The following WDR19 variants were observed in gnomAD, a reference collection of about 807,000 sequenced individuals.
WDR19 encodes WD repeat-containing protein 19.
Under a neutral mutation model 180.0 loss-of-function variants are expected in WDR19, and 121 were observed. The observed-to-expected ratio is 0.67, with a 90% CI of 0.58 to 0.78. The LOEUF is 0.78. WDR19 is among the 30% of genes least tolerant of loss of function. WDR19 has a pLI of 0.00. For missense variants in WDR19, 1,450 were observed against 1,640.7 expected, an observed-to-expected ratio of 0.88 and a Z score of 2.01; for synonymous variants, 497 against 540.7, an observed-to-expected ratio of 0.92 and a Z score of 1.12.
At chr4:39,267,755 T>C (rs1299240459) in intron 29 of WDR19, among the ~76,000 whole-genome samples, 4 of 152,190 alleles carry the variant, frequency 2.6e-5, no homozygotes, top group Admixed American at 1.3e-4. Context: ...GCCTTCTTCC[T>C]AGGGTGGGTA....
At chr4:39,241,210 C>T (rs1731905489) in intron 21 of WDR19, among the ~76,000 whole-genome samples, 1 of 152,080 alleles carries the variant, frequency 6.6e-6, no homozygotes, top group Non-Finnish European at 1.5e-5. Context: ...TTATATATAG[C>T]ATTTTTATTA....
intron 28 of WDR19, 134 bp from the exon 29 acceptor site, chr4:39,265,929 A>AT: frequency 1.5e-6 from 1 of 678,528 alleles, no homozygotes; most frequent in South Asian, 2.1e-5. Context: ...ATCCTATGTC[A>AT]TATTTCAGGC....
intron 28 of WDR19, among the ~76,000 whole-genome samples, chr4:39,262,594 C>T (rs1321990050): frequency 2.0e-5 from 3 of 152,088 alleles, no homozygotes; most frequent in African/African-American, 7.2e-5. Context: ...TTCGTTCCTT[C>T]ACTCTTGCTC....
At chr4:39,218,147 A>T (rs1729274837) in intron 14 of WDR19, 42 bp downstream of exon 14, 1 of 1,569,090 alleles carries the variant, frequency 6.4e-7, no homozygotes, top group African/African-American at 1.4e-5. Flanking sequence ...GGGAATTTTT[A>T]ATTTTTATTT....
intron 9 of WDR19, among the ~76,000 whole-genome samples, chr4:39,208,623 C>T (rs1001386345): frequency 6.6e-5 from 10 of 151,816 alleles, no homozygotes; most frequent in Non-Finnish European, 1.3e-4. Context: ...TTTTAATGAC[C>T]CTATTAAAAG....
intron 30 of WDR19, 26 bp from the exon 31 acceptor site, chr4:39,269,950 A>G (rs770469862): frequency 6.2e-7 from 1 of 1,612,382 alleles, no homozygotes; most frequent in Admixed American, 1.7e-5. Context: ...CTTTGCAGTA[A>G]TGTCGTTTTA....
At chr4:39,278,246 C>T (rs748086242) in intron 35 of WDR19, 39 bp downstream of exon 35, 2 of 1,522,224 alleles carry the variant, frequency 1.3e-6, no homozygotes, top group East Asian at 2.3e-5. Context: ...ACTGATTTCT[C>T]CCGACACAGG....
intron 30 of WDR19, among the ~76,000 whole-genome samples, chr4:39,268,913 A>G (rs983510095): frequency 1.3e-5 from 2 of 152,200 alleles, no homozygotes; most frequent in African/African-American, 2.4e-5. Flanking sequence ...GGTTACCCAC[A>G]GCATCCTGAA....
At chr4:39,279,448 TG>T (rs556526343) in intron 36 of WDR19, among the ~76,000 whole-genome samples, 38 of 152,340 alleles carry the variant, frequency 2.5e-4, no homozygotes, top group South Asian at 1.2e-3. Context: ...ATCTGGTTCG[TG>T]GTTCTCTTGG....
intron 10 of WDR19, 140 bp from the exon 11 acceptor site, chr4:39,215,701 C>CT (rs1728997121): frequency 2.4e-6 from 2 of 830,648 alleles, no homozygotes; most frequent in Admixed American, 6.7e-5. Flanking sequence ...ATTTCCTAGT[C>CT]TAAAAAAAAA....
At chr4:39,184,962 TTA>T (rs1725356444) in intron 1 of WDR19, among the ~76,000 whole-genome samples, 1 of 152,182 alleles carries the variant, frequency 6.6e-6, no homozygotes, top group South Asian at 2.1e-4. Context: ...ATAATATATT[TTA>T]TCTTACCCAG....
At chr4:39,232,023 A>G (rs1192721521) in intron 18 of WDR19, 67 bp downstream of exon 18, 22 of 1,577,524 alleles carry the variant, frequency 1.4e-5, no homozygotes, top group Non-Finnish European at 1.8e-5. Context: ...ATGCAGTCTA[A>G]ATTTTTTGCA....
At chr4:39,214,205 C>A (rs1054519277) in intron 9 of WDR19, among the ~76,000 whole-genome samples, 1 of 152,046 alleles carries the variant, frequency 6.6e-6, no homozygotes. Flanking sequence ...GAACTCTGGG[C>A]AGGGGAGAAA....
Position 39,270,048 on chromosome 4 carries a change from C to T in WDR19, c.3431C>T (p.Pro1144Leu), listed in dbSNP as rs1336097510. The T allele has an allele frequency of 2.5e-6, 4 of 1,613,660 alleles. No individual in the cohort carries two copies. The highest frequency in any genetic ancestry group is 4.5e-5 in the East Asian group (2 of 44,892). ...AELKSQKIKI[P>L]SEMATNLMIL... ...CTGAAATCCCAGAAGATCAAAATTC[C>T]CTCCGAGATGGCCACCAACCTCATG... Residue 1144 changes from proline (P) to leucine (L), a missense_variant, in exon 31 of 37, where the codon CCC becomes CTC. Physicochemically the swap from Pro to Leu is moderately conservative, Grantham distance 98. Transcript: ENST00000399820.
At chr4:39,236,498 G>A (rs1285469979) in intron 20 of WDR19, among the ~76,000 whole-genome samples, 1 of 152,174 alleles carries the variant, frequency 6.6e-6, no homozygotes, top group Non-Finnish European at 1.5e-5. Flanking sequence ...TCCAAAAGGT[G>A]GGAGGGTGGA....
chr4:39,278,999 T>A lies in WDR19; in HGVS notation c.*13+336T>A, dbSNP rs1736194933. On this transcript the variant is annotated intron_variant, in intron 36 of 36. Transcript: ENST00000399820. ...GTCTGTGATATAATTCAGGAGAATA[T>A]ATTGTAAAAATGTTGGCTTCCAGAG... Among the ~76,000 whole-genome samples, 5 of 152,126 alleles carry A rather than the reference T, an allele frequency of 3.3e-5. No individual in the cohort carries two copies. The South Asian group carries it at 1.0e-3, about 31-fold the overall frequency.
At chr4:39,208,659 A>G (rs1728195653) in intron 9 of WDR19, among the ~76,000 whole-genome samples, 1 of 152,158 alleles carries the variant, frequency 6.6e-6, no homozygotes, top group Non-Finnish European at 1.5e-5. Flanking sequence ...TTCACTTCAA[A>G]TATAATGATA....
intron 8 of WDR19, 141 bp from the exon 9 acceptor site, chr4:39,205,422 C>T (rs1727842930): frequency 8.5e-7 from 1 of 1,179,432 alleles, no homozygotes; most frequent in East Asian, 2.6e-5. Context: ...GCAAAACTAC[C>T]TAGTATATTA....
chr4:39,241,308 T>C (rs949322187), intron 21 of WDR19, among the ~76,000 whole-genome samples: 2 of 151,910 alleles, frequency 1.3e-5, no homozygotes, highest in Non-Finnish European at 2.9e-5. Context: ...GCCTGGCCAA[T>C]GTGGCAAAAC....
Sources: gnomAD v4.1 joint callset for allele counts (sites outside exome capture counted in the v4.1 genomes callset) on GRCh38, gnomAD v4.1.1 for gene constraint, MANE v1.5 for transcripts, NCBI Gene and HGNC (gene_info 2026-07-23, HGNC 2026-07-21) for gene names.